DOK5: variants seen among roughly 807,000 people sequenced by gnomAD.
The protein encoded by DOK5 is docking protein 5.
Under a neutral mutation model 43.3 loss-of-function variants are expected in DOK5, and 27 were observed. The observed-to-expected ratio is 0.62, with a 90% CI of 0.46 to 0.86. The LOEUF (loss-of-function observed/expected upper bound fraction) is 0.86. Ranked by LOEUF, DOK5 falls within the 40% of genes least tolerant of loss-of-function variation. The probability of loss-of-function intolerance (pLI) is 0.00; values close to 1 mark genes in which losing one functional copy is unlikely to be tolerated. For synonymous variants in DOK5, 146 were observed against 140.1 expected (o/e 1.04, Z -0.30); for missense variants, 373 against 392.9 (o/e 0.95, Z 0.43).
intron 1 of DOK5, among the ~76,000 whole-genome samples, chr20:54,480,929 CATCTATCATCTATCT>C (rs765164476): frequency 8.0e-6 from 1 of 125,312 alleles, no homozygotes; most frequent in Admixed American, 7.8e-5. Context: ...ATCTATCAAT[CATCTATCATCTATCT>C]ATCTATCATC....
chr20:54,514,635 C>T (rs914937967), intron 1 of DOK5, among the ~76,000 whole-genome samples: 1 of 132,094 alleles, frequency 7.6e-6, no homozygotes, highest in African/African-American at 3.1e-5. Flanking sequence ...CAGGGGAGAG[C>T]AATTGGAGAT....
intron 6 of DOK5, among the ~76,000 whole-genome samples, chr20:54,614,944 T>C (rs912659233): frequency 2.6e-5 from 4 of 152,222 alleles, no homozygotes; most frequent in African/African-American, 9.6e-5. Flanking sequence ...TAAGAGTGGA[T>C]CCACATAGCC....
chr20:54,563,779 A>T (rs1425390772), intron 2 of DOK5, among the ~76,000 whole-genome samples: 2 of 151,842 alleles, frequency 1.3e-5, no homozygotes, highest in Admixed American at 6.6e-5. Context: ...AACTGGAAGC[A>T]AAGATCTTTT....
chr20:54,533,254 G>A (rs964215160), intron 1 of DOK5, among the ~76,000 whole-genome samples: 2 of 152,158 alleles, frequency 1.3e-5, no homozygotes, highest in African/African-American at 4.8e-5. Context: ...TCTCAGTTGT[G>A]ATGACCAAAA....
At chr20:54,615,727 T>C (rs953178114) in intron 6 of DOK5, among the ~76,000 whole-genome samples, 5 of 152,056 alleles carry the variant, frequency 3.3e-5, no homozygotes, top group African/African-American at 1.2e-4. Flanking sequence ...CTGGCCAACA[T>C]GGTGAAACCC....
At chr20:54,531,748 G>A (rs1439455504) in intron 1 of DOK5, among the ~76,000 whole-genome samples, 1 of 152,134 alleles carries the variant, frequency 6.6e-6, no homozygotes. Flanking sequence ...CTCTACTGAT[G>A]TTATGTATTC....
At chr20:54,543,676 C>T (rs1006204765) in intron 1 of DOK5, among the ~76,000 whole-genome samples, 5 of 151,778 alleles carry the variant, frequency 3.3e-5, no homozygotes, top group East Asian at 1.9e-4. Context: ...CTGCAACCTC[C>T]GCCTAATTTA....
At chr20:54,643,612 GC>G in intron 7 of DOK5, 34 bp downstream of exon 7, 1 of 1,599,762 alleles carries the variant, frequency 6.3e-7, no homozygotes. Context: ...CAGGGTGTGG[GC>G]CAGGCCTGGG....
chr20:54,576,128 CA>C (rs1985445946), intron 2 of DOK5, among the ~76,000 whole-genome samples: 1 of 152,030 alleles, frequency 6.6e-6, no homozygotes, highest in Admixed American at 6.6e-5. Flanking sequence ...CCCAAAATGT[CA>C]GTCATAATAA....
At chr20:54,638,160 T>C (rs947805695) in intron 6 of DOK5, among the ~76,000 whole-genome samples, 2 of 149,930 alleles carry the variant, frequency 1.3e-5, no homozygotes, top group African/African-American at 4.9e-5. Flanking sequence ...TTTTCAGCAG[T>C]TCATGGTCTA....
At chr20:54,554,051 C>A (rs980518478) in intron 1 of DOK5, among the ~76,000 whole-genome samples, 2 of 151,486 alleles carry the variant, frequency 1.3e-5, no homozygotes, top group African/African-American at 2.4e-5. Context: ...GCTAGTGTAC[C>A]TTTTACTAGT....
At chr20:54,613,385 A>C (rs1986714631) in intron 6 of DOK5, among the ~76,000 whole-genome samples, 1 of 152,224 alleles carries the variant, frequency 6.6e-6, no homozygotes, top group Non-Finnish European at 1.5e-5. Context: ...ATAAGAAATC[A>C]TTATATTTAT....
At chr20:54,593,434 T>A (rs1410529292) in intron 5 of DOK5, among the ~76,000 whole-genome samples, 3 of 152,200 alleles carry the variant, frequency 2.0e-5, no homozygotes, top group Non-Finnish European at 1.5e-5. Context: ...AACAAGTTGG[T>A]GAATCTTTCA....
intron 4 of DOK5, among the ~76,000 whole-genome samples, chr20:54,591,392 G>A (rs1212749652): frequency 6.6e-6 from 1 of 152,186 alleles, no homozygotes; most frequent in Non-Finnish European, 1.5e-5. Context: ...ATAGTGCTTA[G>A]TGTATGTTGA....
At chr20:54,569,272 A>G (rs1985207223) in intron 2 of DOK5, among the ~76,000 whole-genome samples, 1 of 152,158 alleles carries the variant, frequency 6.6e-6, no homozygotes, top group Non-Finnish European at 1.5e-5. Flanking sequence ...TATTCAAAAT[A>G]TTGTGGTTAA....
rs550839089 is a variant in DOK5 at position 54,615,637 on chromosome 20, C to T, written c.735+5114C>T. On this transcript the variant is annotated intron_variant, in intron 6 of 7. Coordinates refer to ENST00000262593, the MANE Select transcript of DOK5 (RefSeq NM_018431.5). ...TAGAAAAGGCATAAAAACAGCCTAG[C>T]GCAGTGGCTCATGCCTGTAATCCCA... Among the ~76,000 whole-genome samples the T allele has an allele frequency of 5.6e-4, 86 of 152,254 alleles. No homozygotes were observed. In the South Asian group the frequency reaches 0.017, roughly 30 times the overall value.
chr20:54,620,238 T>G lies in DOK5; in HGVS notation c.735+9715T>G, dbSNP rs1986937147. On this transcript the variant is annotated intron_variant, in intron 6 of 7. Transcript: ENST00000262593. The stretch of plus-strand genomic sequence containing the variant: ...AGCATAATTTGTTTTCATCTTTTAT[T>G]TATTGATTGATTGATTTTGAGACAG... Among the ~76,000 whole-genome samples, 4 of 152,208 alleles carry G rather than the reference T, an allele frequency of 2.6e-5. No individual in the cohort carries two copies. The South Asian group carries it at 8.3e-4, about 32-fold the overall frequency.
chr20:54,575,457 T>C (rs529660473), intron 2 of DOK5, among the ~76,000 whole-genome samples: 7 of 152,336 alleles, frequency 4.6e-5, no homozygotes, highest in African/African-American at 1.2e-4. Flanking sequence ...TATTTCATTT[T>C]TGAGACAGAG....
At chr20:54,626,758 C>CA (rs1170917658) in intron 6 of DOK5, among the ~76,000 whole-genome samples, 1 of 152,192 alleles carries the variant, frequency 6.6e-6, no homozygotes, top group Non-Finnish European at 1.5e-5. Context: ...GATCACAACA[C>CA]ACGACTAACC....
Sources: allele counts gnomAD v4.1 joint callset (sites outside exome capture counted in the v4.1 genomes callset), GRCh38; gene constraint gnomAD v4.1.1; transcripts MANE v1.5; gene names NCBI Gene and HGNC (gene_info 2026-07-23, HGNC 2026-07-21).